The following SOX30 variants were observed in gnomAD, a reference collection of about 807,000 sequenced individuals.
SOX30 encodes the protein transcription factor SOX-30.
Under a neutral mutation model 58.6 loss-of-function variants are expected in SOX30, and 17 were observed. That is an observed-to-expected ratio of 0.29 (90% confidence interval 0.20 to 0.44). The LOEUF (loss-of-function observed/expected upper bound fraction) is 0.44, where lower values mean the gene tolerates loss of function less well. Among genes scored for constraint, SOX30 ranks in the 20% least tolerant of loss-of-function variants. The pLI is 1.00. For missense variants in SOX30, 951 were observed against 965.8 expected, an observed-to-expected ratio of 0.98 and a Z score of 0.20; for synonymous variants, 421 against 400.2, an observed-to-expected ratio of 1.05 and a Z score of -0.62.
At position 157,625,689 on chromosome 5, in the gene SOX30, T is replaced by C. The variant is rs1406146706; in HGVS notation, c.*651A>G. 6.6e-6 allele frequency: 1 copy of C among 152,570 alleles called. No homozygotes were observed. Among genetic ancestry groups the C allele is most frequent in the African/African-American group, 2.4e-5 (1 of 41,454 alleles). 9.5% of individuals were successfully genotyped at this position (152,570 alleles called of 1,614,324 possible). A position where few individuals can be genotyped will look rare whatever the true frequency, so the allele number is the denominator to read the frequency against. On this transcript the variant is annotated 3_prime_UTR_variant, in exon 5 of 5. Coordinates refer to ENST00000265007, the MANE Select transcript of SOX30 (RefSeq NM_178424.2). The stretch of plus-strand genomic sequence containing the variant: ...AAAACATCCAACAAGAACAATTTTA[T>C]CTATGTTTATTTAATTACAACAAAG...
chr5:157,646,158 A>C (rs970502792), intron 3 of SOX30, among the ~76,000 whole-genome samples: 2 of 152,188 alleles, frequency 1.3e-5, no homozygotes, highest in Admixed American at 1.3e-4. Flanking sequence ...ACATTTAGAG[A>C]GATTAATATA....
chr5:157,666,404 C>T (rs565943018), intron 2 of SOX30, among the ~76,000 whole-genome samples: 6 of 151,742 alleles, frequency 4.0e-5, no homozygotes, highest in African/African-American at 1.2e-4. Context: ...AAGAGATCCT[C>T]CCCTCTCAGC....
intron 1 of SOX30, among the ~76,000 whole-genome samples, chr5:157,649,565 G>A (rs1005417910): frequency 1.3e-5 from 2 of 152,204 alleles, no homozygotes; most frequent in Non-Finnish European, 2.9e-5. Flanking sequence ...CAAGGCAGGT[G>A]GATCACGCGA....
chr5:157,661,042 C>A (rs6872776), intron 2 of SOX30, among the ~76,000 whole-genome samples: 6,879 of 152,110 alleles, frequency 0.045, 244 homozygotes, highest in East Asian at 0.1. Context: ...ATTTCTAAAT[C>A]CTTTATTCTT....
At chr5:157,671,405 A>C in exon 1 of SOX30, 1 of 563,550 alleles carries the variant, frequency 1.8e-6, no homozygotes. Flanking sequence ...GCCGAGGGAC[A>C]ATATTACCGC....
intron 2 of SOX30, among the ~76,000 whole-genome samples, chr5:157,659,010 T>C (rs937146153): frequency 1.3e-5 from 2 of 152,154 alleles, no homozygotes; most frequent in African/African-American, 4.8e-5. Flanking sequence ...CTCCCACCAG[T>C]GCCATGATAG....
At chr5:157,655,529 C>T (rs368441470), upstream of SOX30, among the ~76,000 whole-genome samples, 3 of 152,112 alleles carry the variant, frequency 2.0e-5, no homozygotes, top group African/African-American at 4.8e-5. Context: ...CTGATGGATG[C>T]GGATGACAGG....
chr5:157,671,057 C>T (rs1361169284), intron 1 of SOX30, among the ~76,000 whole-genome samples: 1 of 152,170 alleles, frequency 6.6e-6, no homozygotes, highest in Non-Finnish European at 1.5e-5. Context: ...ATGGCGGATT[C>T]ATTCAGGAAG....
chr5:157,652,448 C>G (rs1759384740), upstream of SOX30: 4 of 977,154 alleles, frequency 4.1e-6, no homozygotes, highest in Non-Finnish European at 4.9e-6. Context: ...TGGCGTTGCC[C>G]AGGAAACGTT....
intron 4 of SOX30, among the ~76,000 whole-genome samples, chr5:157,626,962 C>A (rs532360774): frequency 5.4e-4 from 83 of 152,318 alleles, no homozygotes; most frequent in African/African-American, 1.8e-3. Context: ...AGGCTTCTTA[C>A]CTTTGACAAC....
At chr5:157,662,162 T>A (rs1419782371) in intron 2 of SOX30, among the ~76,000 whole-genome samples, 1 of 152,210 alleles carries the variant, frequency 6.6e-6, no homozygotes, top group Non-Finnish European at 1.5e-5. Flanking sequence ...TATTCCTTTA[T>A]AAGCCTTTTA....
At position 157,651,830 on chromosome 5, in the gene SOX30, C is replaced by G; in HGVS notation, c.249G>C (p.Gln83His). Reference protein sequence around the residue: ...VKPEQVLLLPQPQAQNEEAAA... With the variant: ...VKPEQVLLLPHPQAQNEEAAA... The stretch of plus-strand genomic sequence containing the variant: ...CGGCTTCCTCGTTCTGGGCCTGAGG[C>G]TGTGGTAGCAGCAACACCTGCTCTG... The change falls in exon 1 of 5, where the codon CAG (glutamine) becomes CAC (histidine). Residue 83 changes from glutamine to histidine, a missense_variant. Physicochemically the swap from Gln to His is conservative, Grantham distance 24. Around this residue, in one of 7 missense-constraint regions of SOX30, gnomAD observed 363 missense variants for 294.5 expected, o/e 1.23. Coordinates refer to ENST00000265007, the MANE Select transcript of SOX30 (RefSeq NM_178424.2). The G allele has an allele frequency of 6.3e-7, 1 of 1,586,906 alleles. No homozygotes were observed. The highest frequency in any genetic ancestry group is 1.7e-4 in the Middle Eastern group (1 of 5,890).
At chr5:157,671,170 A>G (rs965835470) in intron 1 of SOX30, among the ~76,000 whole-genome samples, 1 of 152,074 alleles carries the variant, frequency 6.6e-6, no homozygotes, top group Non-Finnish European at 1.5e-5. Context: ...TTCCATAGCA[A>G]TTGTCTCGTC....
In SOX30 at chr5:157,671,397, C is replaced by G. The variant is rs538015893; in HGVS notation, c.-71G>C. 1.6e-5 allele frequency: 9 copies of G among 557,374 alleles called. No individual in the cohort carries two copies. The East Asian group carries it at 2.6e-4, about 16-fold the overall frequency. The allele number at this position is 557,374 out of a possible 1,614,324, so 34.5% of individuals were successfully genotyped here. ...CGCCGGGTCTCACCACGGCGGATGC[C>G]GAGGGACAATATTACCGCGTCCGTG... On this transcript the variant is annotated 5_prime_UTR_variant, in exon 1 of 6. Coordinates refer to the SOX30 transcript ENST00000519442.
At chr5:157,633,165 G>A (rs918943008) in intron 4 of SOX30, among the ~76,000 whole-genome samples, 5 of 152,212 alleles carry the variant, frequency 3.3e-5, no homozygotes, top group African/African-American at 1.2e-4. Context: ...GCAGAGCAGG[G>A]TCAAGACCTC....
intron 2 of SOX30, among the ~76,000 whole-genome samples, chr5:157,658,448 G>T (rs534263400): frequency 6.6e-6 from 1 of 152,286 alleles, no homozygotes; most frequent in Admixed American, 6.5e-5. Flanking sequence ...TCTGACTGCT[G>T]CTCAGAAGAA....
chr5:157,666,996 A>G (rs775637693), intron 2 of SOX30, among the ~76,000 whole-genome samples: 2 of 152,126 alleles, frequency 1.3e-5, no homozygotes, highest in Non-Finnish European at 2.9e-5. Flanking sequence ...ATGAGCCACC[A>G]TGCCTGGCCA....
At chr5:157,654,762 C>T (rs1397631964), upstream of SOX30, among the ~76,000 whole-genome samples, 1 of 152,174 alleles carries the variant, frequency 6.6e-6, no homozygotes. Context: ...ATGAGAATTA[C>T]CTCTTGTCAT....
At chr5:157,630,088 T>C (rs1758753587) in intron 4 of SOX30, among the ~76,000 whole-genome samples, 1 of 152,224 alleles carries the variant, frequency 6.6e-6, no homozygotes, top group South Asian at 2.1e-4. Flanking sequence ...GTATGATTGG[T>C]AAGTCTTATA....
Sources: allele counts gnomAD v4.1 joint callset (sites outside exome capture counted in the v4.1 genomes callset), GRCh38; gene constraint gnomAD v4.1.1; regional missense constraint gnomAD v4.1.1; transcripts MANE v1.5; gene names NCBI Gene and HGNC (gene_info 2026-07-23, HGNC 2026-07-21).